Variants in MMADHC observed in about 807,000 individuals in gnomAD.
The protein encoded by MMADHC is cobalamin trafficking protein CblD.
MMADHC carries 23 observed loss-of-function variants against 36.3 expected under a neutral mutation model. The ratio of observed to expected loss-of-function variants is 0.63; its 90% CI spans 0.46 to 0.90. The LOEUF is 0.90. Ranked by LOEUF, MMADHC falls within the 40% of genes least tolerant of loss-of-function variation. The pLI is 0.00. For missense variants in MMADHC, 330 were observed against 348.0 expected (o/e 0.95, Z 0.41); for synonymous variants, 97 against 116.1 (o/e 0.84, Z 1.06).
chr2:149,569,974 C>T lies in MMADHC; in HGVS notation c.891G>A (p.Ter297=). 1 of 1,611,926 alleles carries T rather than the reference C, an allele frequency of 6.2e-7. No homozygotes were observed. Among genetic ancestry groups the T allele is most frequent in the Non-Finnish European group, 8.5e-7 (1 of 1,178,184 alleles). Residue 297 remains the stop codon, a stop_retained_variant, in exon 8 of 8, where the codon TAG becomes TAA. Transcript: ENST00000303319. ...TACAGCAAATGAATGGATATTTCTG[C>T]TAATTTCCACTTAATTTCTTCATAA... is the stretch of plus-strand genomic sequence containing the variant. The part of the protein sequence containing the change: ...SHIMKKLSGN[*]
chr2:149,580,121 T>G (rs1335961374), intron 3 of MMADHC, among the ~76,000 whole-genome samples: 1 of 152,176 alleles, frequency 6.6e-6, no homozygotes, highest in African/African-American at 2.4e-5. Flanking sequence ...GAGGTCCACC[T>G]CAGCCTCCCA....
rs1682898013 is a variant in MMADHC, at chr2:149,587,731, A to G, written c.-120T>C. On this transcript the variant is annotated 5_prime_UTR_variant, in exon 1 of 8. Transcript: ENST00000303319. The stretch of plus-strand genomic sequence containing the variant: ...TCCTGCCATCAAAATGGCGGCGGCG[A>G]CGGCAGCGGTGGTAGCACCTACGCT... 1 of 152,856 alleles carries G rather than the reference A, an allele frequency of 6.5e-6. No homozygotes were observed. The highest frequency in any genetic ancestry group is 1.5e-5 in the Non-Finnish European group (1 of 68,454). 9.5% of individuals were successfully genotyped at this position (152,856 alleles called of 1,614,324 possible). A position where few individuals can be genotyped will look rare whatever the true frequency, so the allele number is the denominator to read the frequency against.
At chr2:149,577,885 G>A (rs1481529334) in intron 4 of MMADHC, among the ~76,000 whole-genome samples, 3 of 152,106 alleles carry the variant, frequency 2.0e-5, no homozygotes. Flanking sequence ...GGGTGTGGTG[G>A]TGCACGCCTG....
intron 6 of MMADHC, 62 bp downstream of exon 6, chr2:149,575,649 T>C (rs185859267): frequency 1.9e-5 from 26 of 1,364,976 alleles, no homozygotes; most frequent in Admixed American, 4.0e-5. Context: ...TTTTAAGACA[T>C]TGGTTCACTA....
chr2:149,571,185 C>A lies in MMADHC; in HGVS notation c.610-14G>T. On this transcript the variant is annotated splice_polypyrimidine_tract_variant and intron_variant, in intron 6 of 7. Coordinates refer to ENST00000303319, the MANE Select transcript of MMADHC (RefSeq NM_015702.3). ...ACCATTGATGAACTGCAATGGAAGT[C>A]ACAAATAATATGCTTAAGATAGCAT... is the stretch of plus-strand genomic sequence containing the variant. The A allele has an allele frequency of 6.5e-7, 1 of 1,548,952 alleles. No homozygotes were observed. The highest frequency in any genetic ancestry group is 1.2e-5 in the South Asian group (1 of 86,890).
intron 3 of MMADHC, 92 bp downstream of exon 3, chr2:149,582,035 T>C: frequency 7.1e-7 from 1 of 1,405,694 alleles, no homozygotes. Context: ...TTTAGAAAAA[T>C]CCATTAAGCC....
At position 149,575,742 on chromosome 2, in the gene MMADHC, A is replaced by T; in HGVS notation, c.578T>A (p.Val193Glu). 2 of 1,604,308 alleles carry T rather than the reference A, an allele frequency of 1.2e-6. No homozygotes were observed. Among genetic ancestry groups the T allele is most frequent in the Non-Finnish European group, 1.7e-6 (2 of 1,175,328 alleles). ...KNDMTVWSEEVEIEREVLLEK... is the reference protein window; with the variant it reads ...KNDMTVWSEEEEIEREVLLEK... Reference sequence around the variant, plus strand: ...TAAGAGCACTTCTCTTTCAATTTCTACTTCTTCACTCCAAACAGTCATATC... The same window carrying T: ...TAAGAGCACTTCTCTTTCAATTTCTTCTTCTTCACTCCAAACAGTCATATC... Residue 193 changes from valine to glutamate, a missense_variant, in exon 6 of 8, where the codon GTA becomes GAA. Coordinates refer to ENST00000303319, the MANE Select transcript of MMADHC (RefSeq NM_015702.3).
chr2:149,571,055 T>A (rs1223105834), intron 7 of MMADHC, 30 bp downstream of exon 7: 10 of 1,468,860 alleles, frequency 6.8e-6, no homozygotes, highest in South Asian at 5.7e-5. Context: ...CTACTTCATA[T>A]AATCTGATTT....
intron 3 of MMADHC, 30 bp downstream of exon 3, chr2:149,582,097 A>AT: frequency 1.9e-6 from 3 of 1,611,400 alleles, no homozygotes; most frequent in South Asian, 1.1e-5. Flanking sequence ...TGAAACAATT[A>AT]TAAGTAAAGC....
At chr2:149,578,297 T>C (rs1682745359) in intron 4 of MMADHC, among the ~76,000 whole-genome samples, 1 of 152,118 alleles carries the variant, frequency 6.6e-6, no homozygotes, top group Non-Finnish European at 1.5e-5. Flanking sequence ...AGTGATATGA[T>C]GGAGAAAGAA....
chr2:149,580,560 C>T (rs111440405), intron 3 of MMADHC, among the ~76,000 whole-genome samples: 79 of 152,246 alleles, frequency 5.2e-4, no homozygotes, highest in African/African-American at 1.8e-3. Flanking sequence ...GAGTAGAGAT[C>T]TGGGCTTAGA....
At chr2:149,581,344 C>CA (rs1211544413) in intron 3 of MMADHC, among the ~76,000 whole-genome samples, 1 of 151,932 alleles carries the variant, frequency 6.6e-6, no homozygotes, top group African/African-American at 2.4e-5. Context: ...GGGGAGTAGT[C>CA]AGAGAGTTAG....
intron 4 of MMADHC, among the ~76,000 whole-genome samples, chr2:149,578,024 A>C (rs1232918122): frequency 6.6e-6 from 1 of 151,888 alleles, no homozygotes; most frequent in African/African-American, 2.4e-5. Context: ...CTCAAAACAA[A>C]CAAACCAAAC....
chr2:149,584,500 C>A (rs1308839335), intron 2 of MMADHC, among the ~76,000 whole-genome samples: 1 of 152,080 alleles, frequency 6.6e-6, no homozygotes, highest in Non-Finnish European at 1.5e-5. Flanking sequence ...CAAATTATTT[C>A]AAAAATCGCC....
chr2:149,581,859 CA>C (rs2105049701), intron 3 of MMADHC, among the ~76,000 whole-genome samples: 1 of 152,094 alleles, frequency 6.6e-6, no homozygotes, highest in Admixed American at 6.5e-5. Context: ...TTAACAGGAC[CA>C]AAAGGAGATT....
At chr2:149,570,784 A>G (rs1437767991) in intron 7 of MMADHC, among the ~76,000 whole-genome samples, 1 of 152,196 alleles carries the variant, frequency 6.6e-6, no homozygotes, top group Non-Finnish European at 1.5e-5. Context: ...ACCAATTTAT[A>G]ATTTTCAACA....
intron 7 of MMADHC, 95 bp downstream of exon 7, chr2:149,570,988 TAA>T (rs1682630031): frequency 9.5e-7 from 1 of 1,054,248 alleles, no homozygotes; most frequent in Non-Finnish European, 1.4e-6. Flanking sequence ...GTGAGATTTT[TAA>T]AAAGTCTTAA....
At position 149,575,700 on chromosome 2, in the gene MMADHC, G is replaced by C. The variant is rs1309204942; in HGVS notation, c.609+11C>G. The C allele has an allele frequency of 9.5e-6, 15 of 1,580,166 alleles. No homozygotes were observed. The highest frequency in any genetic ancestry group is 1.8e-5 in the Admixed American group (1 of 56,174). On this transcript the variant is annotated intron_variant, in intron 6 of 7. Coordinates refer to ENST00000303319, the MANE Select transcript of MMADHC (RefSeq NM_015702.3). The stretch of plus-strand genomic sequence containing the variant: ...CCATAAAATTAAATTATTAGCAATT[G>C]AAAGAATTACCTTTTCTAAGAGCAC...
chr2:149,577,900 C>A (rs1393352162), intron 4 of MMADHC, among the ~76,000 whole-genome samples: 2 of 152,132 alleles, frequency 1.3e-5, no homozygotes, highest in Admixed American at 1.3e-4. Flanking sequence ...CGCCTGTAAT[C>A]TCAGCTACTC....
Sources: allele counts gnomAD v4.1 joint callset (sites outside exome capture counted in the v4.1 genomes callset), GRCh38; gene constraint gnomAD v4.1.1; transcripts MANE v1.5; gene names NCBI Gene and HGNC (gene_info 2026-07-23, HGNC 2026-07-21).